The following CACNB2 variants were observed in gnomAD, a reference collection of about 807,000 sequenced individuals.
CACNB2 encodes the protein calcium voltage-gated channel auxiliary subunit beta 2, also known as voltage-dependent L-type calcium channel subunit beta-2.
CACNB2 carries 42 observed loss-of-function variants against 73.3 expected under a neutral mutation model. That is an observed-to-expected ratio of 0.57 (90% CI 0.45 to 0.74). The LOEUF is 0.74. Ranked by LOEUF, CACNB2 falls within the 30% of genes least tolerant of loss-of-function variation. The probability of loss-of-function intolerance (pLI) is 0.00; values close to 1 mark genes in which losing one functional copy is unlikely to be tolerated. For missense variants in CACNB2, 940 were observed against 853.0 expected, an observed-to-expected ratio of 1.10 and a Z score of -1.27; for synonymous variants, 348 against 310.3, an observed-to-expected ratio of 1.12 and a Z score of -1.28.
chr10:18,398,600 G>A (rs1043914952), intron 2 of CACNB2, among the ~76,000 whole-genome samples: 1 of 151,982 alleles, frequency 6.6e-6, no homozygotes, highest in Non-Finnish European at 1.5e-5. Context: ...TCGCCCAGGA[G>A]GTCAAGGCTG....
rs758687824 is a variant in CACNB2 at position 18,141,187 on chromosome 10, A to G, written c.120+331A>G. Reference sequence around the variant, plus strand: ...AGAGGCACATGGAGAGACATGAATCAGGGGAGTGGACTGGACCTGCTGAAG... The same window carrying G: ...AGAGGCACATGGAGAGACATGAATCGGGGGAGTGGACTGGACCTGCTGAAG... On this transcript the variant is annotated intron_variant, in intron 1 of 13. Coordinates refer to ENST00000324631, the MANE Select transcript of CACNB2 (RefSeq NM_201596.3). 6 of 1,235,480 alleles carry G rather than the reference A, an allele frequency of 4.9e-6. No individual in the cohort carries two copies. The South Asian group carries it at 7.6e-5, about 16-fold the overall frequency. 76.5% of individuals were successfully genotyped at this position (1,235,480 alleles called of 1,614,324 possible). A position where few individuals can be genotyped will look rare whatever the true frequency, so the allele number is the denominator to read the frequency against.
intron 2 of CACNB2, among the ~76,000 whole-genome samples, chr10:18,309,823 C>G (rs1236641788): frequency 6.6e-6 from 1 of 152,176 alleles, no homozygotes; most frequent in Non-Finnish European, 1.5e-5. Flanking sequence ...TCCGGATAAA[C>G]AGTCACCTGA....
chr10:18,148,026 G>A (rs2031162686), intron 1 of CACNB2, among the ~76,000 whole-genome samples: 1 of 151,290 alleles, frequency 6.6e-6, no homozygotes, highest in Non-Finnish European at 1.5e-5. Flanking sequence ...ATGTTTTTTT[G>A]TTTTCTGATC....
At chr10:18,438,261 C>A (rs1232721038) in intron 3 of CACNB2, among the ~76,000 whole-genome samples, 1 of 146,918 alleles carries the variant, frequency 6.8e-6, no homozygotes, top group African/African-American at 2.5e-5. Flanking sequence ...CATCTCCTGA[C>A]CTCGTGGTCC....
intron 9 of CACNB2, among the ~76,000 whole-genome samples, chr10:18,525,772 T>A (rs2052407195): frequency 2.6e-5 from 4 of 152,180 alleles, no homozygotes; most frequent in Admixed American, 2.6e-4. Flanking sequence ...TATGTCTACT[T>A]TTCTTACTTT....
intron 1 of CACNB2, among the ~76,000 whole-genome samples, chr10:18,147,496 C>T (rs978236263): frequency 6.6e-6 from 1 of 152,000 alleles, no homozygotes; most frequent in Non-Finnish European, 1.5e-5. Flanking sequence ...GACACAGAGA[C>T]CTGCATGTGT....
At chr10:18,361,698 C>A (rs1241349142) in intron 2 of CACNB2, among the ~76,000 whole-genome samples, 1 of 149,472 alleles carries the variant, frequency 6.7e-6, no homozygotes, top group Non-Finnish European at 1.5e-5. Context: ...ACTGAAACTT[C>A]CACCTTCCGG....
At chr10:18,284,302 C>T (rs896355598) in intron 2 of CACNB2, among the ~76,000 whole-genome samples, 2 of 152,180 alleles carry the variant, frequency 1.3e-5, no homozygotes, top group African/African-American at 4.8e-5. Context: ...GAAAGACCCA[C>T]CCCCATGATT....
chr10:18,523,753 G>C (rs1317279334), intron 9 of CACNB2, among the ~76,000 whole-genome samples: 2 of 152,178 alleles, frequency 1.3e-5, no homozygotes, highest in African/African-American at 4.8e-5. Flanking sequence ...TTCAACAAAA[G>C]TATCAGGTGT....
chr10:18,275,522 G>A (rs142173141), intron 2 of CACNB2, among the ~76,000 whole-genome samples: 233 of 152,240 alleles, frequency 1.5e-3, no homozygotes, highest in Non-Finnish European at 2.5e-3. Context: ...CCTAGGTGAT[G>A]GGATGATCTT....
intron 2 of CACNB2, among the ~76,000 whole-genome samples, chr10:18,271,744 A>G (rs559511051): frequency 1.8e-4 from 27 of 152,238 alleles, no homozygotes; most frequent in African/African-American, 6.5e-4. Context: ...TTTCCCATTG[A>G]GCCAGACTCC....
chr10:18,480,585 G>A (rs1386657569), intron 3 of CACNB2, among the ~76,000 whole-genome samples: 2 of 152,188 alleles, frequency 1.3e-5, no homozygotes, highest in East Asian at 3.9e-4. Context: ...CACTTAATAA[G>A]CACTTAATGA....
At chr10:18,396,101 C>G (rs1009850773) in intron 2 of CACNB2, among the ~76,000 whole-genome samples, 38 of 151,906 alleles carry the variant, frequency 2.5e-4, no homozygotes, top group African/African-American at 8.7e-4. Context: ...GGACCACAGG[C>G]ACCTGCCACC....
At chr10:18,525,530 C>A (rs1206391428) in intron 9 of CACNB2, among the ~76,000 whole-genome samples, 1 of 152,092 alleles carries the variant, frequency 6.6e-6, no homozygotes, top group East Asian at 1.9e-4. Flanking sequence ...TGATTCTAGA[C>A]CCTTTGGGAC....
intron 3 of CACNB2, among the ~76,000 whole-genome samples, chr10:18,454,331 C>A (rs770533182): frequency 6.6e-6 from 1 of 152,274 alleles, no homozygotes; most frequent in Middle Eastern, 3.4e-3. Flanking sequence ...TTAAAACCAG[C>A]GTTTTTCAAC....
At chr10:18,210,796 T>A (rs1236676449) in intron 2 of CACNB2, among the ~76,000 whole-genome samples, 1 of 152,198 alleles carries the variant, frequency 6.6e-6, no homozygotes, top group African/African-American at 2.4e-5. Context: ...TTAAATGCTT[T>A]TAAGTAAATG....
chr10:18,224,249 A>C (rs1430474355), intron 2 of CACNB2: 1 of 151,426 alleles, frequency 6.6e-6, no homozygotes, highest in African/African-American at 2.4e-5. Context: ...AAACTTTCTA[A>C]CTCCTTTTTA....
intron 2 of CACNB2, among the ~76,000 whole-genome samples, chr10:18,217,748 C>G (rs2035571733): frequency 6.6e-6 from 1 of 151,580 alleles, no homozygotes; most frequent in African/African-American, 2.4e-5. Flanking sequence ...GACCATGTGA[C>G]TGGTGTGTTC....
intron 2 of CACNB2, among the ~76,000 whole-genome samples, chr10:18,153,943 GTA>G (rs1278745681): frequency 6.6e-6 from 1 of 150,452 alleles, no homozygotes; most frequent in Admixed American, 6.7e-5. Context: ...TAAAGTAAGT[GTA>G]TGTTTTTTAA....
Sources: allele counts gnomAD v4.1 joint callset (sites outside exome capture counted in the v4.1 genomes callset), GRCh38; gene constraint gnomAD v4.1.1; transcripts MANE v1.5; gene names NCBI Gene and HGNC (gene_info 2026-07-23, HGNC 2026-07-21).